PDE10A: variants seen among roughly 807,000 people sequenced by gnomAD.
PDE10A encodes cAMP and cAMP-inhibited cGMP 3',5'-cyclic phosphodiesterase 10A.
In PDE10A, 39 loss-of-function variants were observed where a neutral mutation model predicts 97.7. That is an observed-to-expected ratio of 0.40 (90% CI 0.31 to 0.52). The LOEUF (loss-of-function observed/expected upper bound fraction) is 0.52, where lower values mean the gene tolerates loss of function less well. Ranked by LOEUF, PDE10A falls within the 20% of genes least tolerant of loss-of-function variation. The pLI is 0.56. For synonymous variants in PDE10A, 371 were observed against 376.8 expected (o/e 0.98, Z 0.18); for missense variants, 731 against 1,047.8 (o/e 0.70, Z 4.17).
intron 1 of PDE10A, among the ~76,000 whole-genome samples, chr6:165,911,094 A>C (rs1467031180): frequency 6.6e-6 from 1 of 152,184 alleles, no homozygotes; most frequent in Non-Finnish European, 1.5e-5. Context: ...AATTTCTAAG[A>C]ATCACAATGC....
chr6:165,897,924 G>T (rs563285403), intron 1 of PDE10A, among the ~76,000 whole-genome samples: 84 of 152,040 alleles, frequency 5.5e-4, no homozygotes, highest in Non-Finnish European at 9.4e-4. Flanking sequence ...CTCACCTCAT[G>T]TCCACCCAGG....
chr6:165,527,172 G>GC (rs1182277323), intron 2 of PDE10A, among the ~76,000 whole-genome samples: 1 of 152,106 alleles, frequency 6.6e-6, no homozygotes, highest in African/African-American at 2.4e-5. Context: ...GCTGCATTTG[G>GC]CCCCTCCTAC....
chr6:165,794,978 T>C (rs1778791590), intron 1 of PDE10A, among the ~76,000 whole-genome samples: 1 of 152,244 alleles, frequency 6.6e-6, no homozygotes, highest in Non-Finnish European at 1.5e-5. Flanking sequence ...ATTATATAGA[T>C]ACTCTATTAT....
At chr6:165,970,133 A>G (rs941611602) in intron 1 of PDE10A, among the ~76,000 whole-genome samples, 11 of 152,218 alleles carry the variant, frequency 7.2e-5, no homozygotes, top group African/African-American at 2.7e-4. Flanking sequence ...ACTCAAACCA[A>G]GAGACAATCT....
At chr6:165,422,215 A>C (rs1283586072) in intron 10 of PDE10A, among the ~76,000 whole-genome samples, 2 of 152,168 alleles carry the variant, frequency 1.3e-5, no homozygotes, top group Non-Finnish European at 2.9e-5. Flanking sequence ...AATATTTATA[A>C]AGTCCAAACA....
At chr6:165,879,835 G>A (rs1781430798) in intron 1 of PDE10A, among the ~76,000 whole-genome samples, 1 of 151,192 alleles carries the variant, frequency 6.6e-6, no homozygotes, top group Non-Finnish European at 1.5e-5. Context: ...TTGGTAGAAT[G>A]AGTGGATGTG....
chr6:165,883,309 A>G (rs1052916653), intron 1 of PDE10A, among the ~76,000 whole-genome samples: 1 of 152,060 alleles, frequency 6.6e-6, no homozygotes, highest in Non-Finnish European at 1.5e-5. Flanking sequence ...TTGGGAGACT[A>G]AGGTGGGCAG....
intron 16 of PDE10A, 53 bp downstream of exon 16, chr6:165,392,593 A>T: frequency 6.6e-7 from 1 of 1,517,826 alleles, no homozygotes; most frequent in Admixed American, 1.7e-5. Context: ...CCTGACACAC[A>T]GTATTAAATC....
chr6:165,763,631 C>T (rs1793304965), intron 1 of PDE10A, among the ~76,000 whole-genome samples: 1 of 152,174 alleles, frequency 6.6e-6, no homozygotes, highest in Admixed American at 6.5e-5. Context: ...CCTTGAGATT[C>T]TGTTTAAATA....
intron 1 of PDE10A, among the ~76,000 whole-genome samples, chr6:165,878,063 C>T (rs1218177028): frequency 6.6e-6 from 1 of 152,094 alleles, no homozygotes; most frequent in Admixed American, 6.5e-5. Context: ...ACTGAAGATA[C>T]CACTTCATTT....
chr6:165,867,285 C>T (rs1249051036), intron 1 of PDE10A, among the ~76,000 whole-genome samples: 1 of 148,808 alleles, frequency 6.7e-6, no homozygotes, highest in African/African-American at 2.5e-5. Flanking sequence ...AAACTCACTT[C>T]ACCAGTAAAG....
chr6:165,620,176 C>T (rs1165488279), intron 1 of PDE10A, among the ~76,000 whole-genome samples: 4 of 152,134 alleles, frequency 2.6e-5, no homozygotes, highest in Non-Finnish European at 2.9e-5. Flanking sequence ...ACTCCACTTC[C>T]GGGCCACGAT....
At chr6:165,797,295 C>A (rs1270068070) in intron 1 of PDE10A, among the ~76,000 whole-genome samples, 3 of 152,276 alleles carry the variant, frequency 2.0e-5, no homozygotes, top group African/African-American at 7.2e-5. Context: ...TTGTCACTTG[C>A]AATCAACAAG....
chr6:165,723,284 A>C (rs779822304), intron 1 of PDE10A, among the ~76,000 whole-genome samples: 11 of 152,180 alleles, frequency 7.2e-5, no homozygotes, highest in Non-Finnish European at 1.5e-4. Context: ...GCTCTCGACA[A>C]TTTCTGGTGA....
chr6:165,427,825 GTTATT>G (rs905889906), intron 10 of PDE10A, among the ~76,000 whole-genome samples: 7 of 152,052 alleles, frequency 4.6e-5, no homozygotes, highest in Non-Finnish European at 8.8e-5. Flanking sequence ...AACAAGAGAA[GTTATT>G]TTAATGTACA....
rs533958199 is a variant in PDE10A, at chr6:165,903,557, T to C, written c.-615+83972A>G. ...GCAAATAAGATTTCTCCTTTAGACATGTTGAGTTTGAGGTTTCAATAAGAC... is the reference window on the plus strand; with the variant it reads ...GCAAATAAGATTTCTCCTTTAGACACGTTGAGTTTGAGGTTTCAATAAGAC... On this transcript the variant is annotated intron_variant, in intron 1 of 19. Transcript: ENST00000366882. 2.0e-4 allele frequency among the ~76,000 whole-genome samples: 31 copies of C among 152,280 alleles called. 1 individual carries two copies. The South Asian group carries it at 4.6e-3, about 22-fold the overall frequency.
chr6:165,670,924 T>C (rs185478466), intron 1 of PDE10A, among the ~76,000 whole-genome samples: 179 of 152,352 alleles, frequency 1.2e-3, no homozygotes, highest in African/African-American at 4.1e-3. Context: ...CAGGAAGTGC[T>C]GATCTTATTA....
At chr6:165,894,834 A>T (rs1225880954) in intron 1 of PDE10A, among the ~76,000 whole-genome samples, 1 of 152,264 alleles carries the variant, frequency 6.6e-6, no homozygotes, top group East Asian at 1.9e-4. Context: ...CACAAGAAAT[A>T]AAAACCTTTC....
chr6:165,668,777 G>GGA (rs1562674301), intron 1 of PDE10A, among the ~76,000 whole-genome samples: 1 of 82,374 alleles, frequency 1.2e-5, no homozygotes, highest in Non-Finnish European at 2.6e-5. Flanking sequence ...GGTAGGAAGG[G>GGA]AGGGAGGGAG....
Sources: gnomAD v4.1 joint callset for allele counts (sites outside exome capture counted in the v4.1 genomes callset) on GRCh38, gnomAD v4.1.1 for gene constraint, MANE v1.5 for transcripts, NCBI Gene and HGNC (gene_info 2026-07-23, HGNC 2026-07-21) for gene names.